SLC17A5: variants seen among roughly 807,000 people sequenced by gnomAD.
SLC17A5 encodes the protein solute carrier family 17 member 5.
SLC17A5 carries 47 observed loss-of-function variants against 59.4 expected under a neutral mutation model. The ratio of observed to expected loss-of-function variants is 0.79; its 90% CI spans 0.63 to 1.01. SLC17A5 has a LOEUF of 1.01. Among genes scored for constraint, SLC17A5 ranks in the 50% least tolerant of loss-of-function variants. The pLI is 0.00. For missense variants in SLC17A5, 522 were observed against 595.5 expected (o/e 0.88, Z 1.28); for synonymous variants, 202 against 210.7 (o/e 0.96, Z 0.36).
intron 6 of SLC17A5, among the ~76,000 whole-genome samples, chr6:73,632,132 C>T (rs916717906): frequency 6.0e-5 from 9 of 150,170 alleles, no homozygotes; most frequent in African/African-American, 1.7e-4. Flanking sequence ...AGCGAGACTC[C>T]GTCTCTACAA....
intron 7 of SLC17A5, 23 bp from the exon 8 acceptor site, chr6:73,615,470 G>T (rs1462660840): frequency 6.2e-7 from 1 of 1,612,892 alleles, no homozygotes; most frequent in African/African-American, 1.3e-5. Flanking sequence ...AGAAGATACA[G>T]GATTAATTAC....
rs3799291 is a variant in SLC17A5, at chr6:73,645,126, T to C, written c.95-523A>G. On this transcript the variant is annotated intron_variant, in intron 1 of 10. Coordinates refer to ENST00000355773, the MANE Select transcript of SLC17A5 (RefSeq NM_012434.5). ...GGAGGTTTAATGGCATTACTATTTC[T>C]GAAAAACTATCTGAAACATGGTCAA... Among the ~76,000 whole-genome samples the C allele has an allele frequency of 1.8e-3, 272 of 152,312 alleles. 6 individuals carry two copies. In the East Asian group the frequency reaches 0.046, roughly 26 times the overall value.
chr6:73,652,825 C>T (rs1434165435), intron 1 of SLC17A5, among the ~76,000 whole-genome samples: 1 of 152,206 alleles, frequency 6.6e-6, no homozygotes, highest in Non-Finnish European at 1.5e-5. Flanking sequence ...AGAAACTATA[C>T]AATTCTGGGT....
chr6:73,632,372 G>A (rs912267762), intron 6 of SLC17A5, among the ~76,000 whole-genome samples: 21 of 143,254 alleles, frequency 1.5e-4, no homozygotes, highest in Non-Finnish European at 2.6e-4. Flanking sequence ...TCCTTTTTCC[G>A]AAGTGTGTCG....
intron 6 of SLC17A5, among the ~76,000 whole-genome samples, chr6:73,625,305 G>T (rs1241245780): frequency 4.6e-5 from 7 of 152,090 alleles, no homozygotes; most frequent in African/African-American, 7.2e-5. Context: ...TCCTGCCTCA[G>T]CCTCCCGAGT....
rs1163170650 is a variant in SLC17A5, at chr6:73,632,434, C to CTTTTTTTTTT, written c.819+2938_819+2947dup. ...AAGACACATATCGATGTAGAGAAAG[C>CTTTTTTTTTT]TTTTTTTTTTTTTTTTTTTTTTTTT... On this transcript the variant is annotated intron_variant, in intron 6 of 10. Coordinates refer to ENST00000355773, the MANE Select transcript of SLC17A5 (RefSeq NM_012434.5). Among the ~76,000 whole-genome samples the CTTTTTTTTTT allele has an allele frequency of 6.9e-5, 6 of 86,792 alleles. 1 individual carries two copies. Among genetic ancestry groups the CTTTTTTTTTT allele is most frequent in the Admixed American group, 1.6e-4 (1 of 6,390 alleles). The allele number at this position is 86,792 out of a possible 152,430, so 56.9% of individuals were successfully genotyped here. A position where few individuals can be genotyped will look rare whatever the true frequency, so the allele number is the denominator to read the frequency against.
chr6:73,653,010 G>C (rs534485003), intron 1 of SLC17A5: 1 of 976,110 alleles, frequency 1.0e-6, no homozygotes, highest in South Asian at 4.7e-5. Context: ...GATGCTTTAT[G>C]ACGTACCTGC....
At chr6:73,644,237 T>C (rs1055686165) in intron 2 of SLC17A5, among the ~76,000 whole-genome samples, 170 bp downstream of exon 2, 2 of 152,192 alleles carry the variant, frequency 1.3e-5, no homozygotes, top group African/African-American at 2.4e-5. Context: ...GTAGTAGCTA[T>C]AGTTACAAGT....
chr6:73,595,306 C>A, intron 10 of SLC17A5, 92 bp from the exon 11 acceptor site: 1 of 1,372,148 alleles, frequency 7.3e-7, no homozygotes, highest in Non-Finnish European at 1.0e-6. Flanking sequence ...GTTAAAACAG[C>A]CACATTATTC....
intron 1 of SLC17A5, chr6:73,653,422 A>C: frequency 2.0e-6 from 2 of 985,346 alleles, no homozygotes; most frequent in Non-Finnish European, 2.4e-6. Flanking sequence ...ATTCTCTCCC[A>C]GTTCGTTCTT....
At chr6:73,627,983 C>G (rs1413873727) in intron 6 of SLC17A5, among the ~76,000 whole-genome samples, 1 of 151,096 alleles carries the variant, frequency 6.6e-6, no homozygotes, top group Non-Finnish European at 1.5e-5. Flanking sequence ...TGCAGAGGCG[C>G]GATCACGGCT....
At chr6:73,651,179 G>A (rs1291398374) in intron 1 of SLC17A5, among the ~76,000 whole-genome samples, 1 of 152,172 alleles carries the variant, frequency 6.6e-6, no homozygotes, top group African/African-American at 2.4e-5. Context: ...TTAGGACATA[G>A]GCCCGGCCCG....
In SLC17A5 at chr6:73,623,605, A is replaced by AT. The variant is rs1425885051; in HGVS notation, c.820-1644dup. 2.0e-5 allele frequency among the ~76,000 whole-genome samples: 3 copies of AT among 152,096 alleles called. No individual in the cohort carries two copies. In the South Asian group the frequency reaches 6.2e-4, roughly 32 times the overall value. On this transcript the variant is annotated intron_variant, in intron 6 of 10. Coordinates refer to ENST00000355773, the MANE Select transcript of SLC17A5 (RefSeq NM_012434.5). ...TGCCTCAGCCTCCCAAAGTTCTGGG[A>AT]TTACAGGTGTGAGCCACTGCCCCCA...
chr6:73,597,064 G>T (rs1317118782), intron 10 of SLC17A5, among the ~76,000 whole-genome samples: 2 of 152,156 alleles, frequency 1.3e-5, no homozygotes, highest in Non-Finnish European at 2.9e-5. Context: ...GGGAGGCTGA[G>T]GCAGGAGAAT....
In SLC17A5 at chr6:73,621,975, G is replaced by C. The variant is rs973480190; in HGVS notation, c.820-13C>G. On this transcript the variant is annotated splice_polypyrimidine_tract_variant and intron_variant, in intron 6 of 10. Transcript: ENST00000355773. Reference sequence around the variant, plus strand: ...TCTGTGAAGAAAGCTGAAGAAAACAGGAATAATTAGGATAAACTACGGCTA... The same window carrying C: ...TCTGTGAAGAAAGCTGAAGAAAACACGAATAATTAGGATAAACTACGGCTA... 1 of 1,613,132 alleles carries C rather than the reference G, an allele frequency of 6.2e-7. No individual in the cohort carries two copies. The highest frequency in any genetic ancestry group is 1.3e-5 in the African/African-American group (1 of 74,896).
chr6:73,621,771 A>G, intron 7 of SLC17A5, 33 bp downstream of exon 7: 1 of 1,482,328 alleles, frequency 6.7e-7, no homozygotes, highest in South Asian at 1.2e-5. Context: ...CTTATACTAT[A>G]TATATAAGAA....
intron 1 of SLC17A5, among the ~76,000 whole-genome samples, chr6:73,649,338 C>T (rs1313288376): frequency 6.6e-6 from 1 of 152,190 alleles, no homozygotes; most frequent in Non-Finnish European, 1.5e-5. Context: ...CATGGTGGCT[C>T]ACACTCGTAA....
At chr6:73,601,783 GC>G (rs1767123289) in intron 9 of SLC17A5, among the ~76,000 whole-genome samples, 1 of 146,778 alleles carries the variant, frequency 6.8e-6, no homozygotes, top group Non-Finnish European at 1.5e-5. Context: ...GAGCCCCTCT[GC>G]CCGGCCAGCC....
At chr6:73,614,901 G>A (rs1767786956) in intron 8 of SLC17A5, among the ~76,000 whole-genome samples, 1 of 152,126 alleles carries the variant, frequency 6.6e-6, no homozygotes, top group Non-Finnish European at 1.5e-5. Context: ...GTTTCTCTGA[G>A]TTCTCTGAGA....
Sources: allele counts gnomAD v4.1 joint callset (sites outside exome capture counted in the v4.1 genomes callset), GRCh38; gene constraint gnomAD v4.1.1; transcripts MANE v1.5; gene names NCBI Gene and HGNC (gene_info 2026-07-23, HGNC 2026-07-21).